Variants in MPRIP observed in about 807,000 individuals in gnomAD.
MPRIP encodes myosin phosphatase Rho-interacting protein.
Under a neutral mutation model 234.9 loss-of-function variants are expected in MPRIP, and 59 were observed. The observed-to-expected ratio is 0.25, with a 90% CI of 0.20 to 0.31. MPRIP has a LOEUF of 0.31. MPRIP is among the 10% of genes least tolerant of loss of function. MPRIP has a pLI of 1.00. For missense variants in MPRIP, 2,436 were observed against 3,071.0 expected, an observed-to-expected ratio of 0.79 and a Z score of 4.89; for synonymous variants, 1,144 against 1,263.9, an observed-to-expected ratio of 0.91 and a Z score of 2.01.
chr17:17,147,274 T>TC (rs1331317470), intron 10 of MPRIP, 45 bp from the exon 11 acceptor site: 8 of 1,578,258 alleles, frequency 5.1e-6, no homozygotes, highest in Non-Finnish European at 6.1e-6. Context: ...AGGCATGCTG[T>TC]ATAGGAGTTG....
rs144189449 is a variant in MPRIP, at chr17:17,176,589, T to C, written c.6957+77T>C. The C allele has an allele frequency of 8.1e-3, 9,234 of 1,142,490 alleles. 230 individuals are homozygous for C. Among genetic ancestry groups the C allele is most frequent in the African/African-American group, 0.071 (4,700 of 65,788 alleles). The allele number at this position is 1,142,490 out of a possible 1,614,324, so 70.8% of individuals were successfully genotyped here. On this transcript the variant is annotated intron_variant, in intron 21 of 23. Coordinates refer to ENST00000651222, the MANE Select transcript of MPRIP (RefSeq NM_001364716.4). ...CATGCGCCTCCTGAACTCAGGCTGG[T>C]GCTCAGCGCGGGCTCTTCTGAAGCA...
intron 1 of MPRIP, among the ~76,000 whole-genome samples, chr17:17,048,812 C>T (rs905865588): frequency 6.6e-6 from 1 of 152,196 alleles, no homozygotes; most frequent in African/African-American, 2.4e-5. Context: ...CCACGTGAGC[C>T]AGCATTCCCA....
intron 14 of MPRIP, among the ~76,000 whole-genome samples, chr17:17,160,907 C>T (rs2045848752): frequency 6.6e-6 from 1 of 152,178 alleles, no homozygotes; most frequent in Non-Finnish European, 1.5e-5. Context: ...ATGAACACCC[C>T]GTATGGGCCT....
chr17:17,112,070 C>T (rs886987122), intron 3 of MPRIP, among the ~76,000 whole-genome samples: 4 of 152,136 alleles, frequency 2.6e-5, no homozygotes, highest in African/African-American at 4.8e-5. Context: ...CTGTGGGCAG[C>T]GTGGTCCACC....
intron 1 of MPRIP, among the ~76,000 whole-genome samples, chr17:17,044,173 T>G (rs1352192025): frequency 2.6e-5 from 4 of 152,132 alleles, no homozygotes; most frequent in Non-Finnish European, 4.4e-5. Context: ...CCCCAAAAGC[T>G]TAACGAAACA....
chr17:17,106,763 AC>A (rs772942085), intron 3 of MPRIP, among the ~76,000 whole-genome samples: 5 of 152,334 alleles, frequency 3.3e-5, no homozygotes, highest in African/African-American at 4.8e-5. Context: ...CTGACCAACT[AC>A]ATTTTCCCAA....
intron 3 of MPRIP, among the ~76,000 whole-genome samples, chr17:17,083,621 G>A (rs1194571327): frequency 6.6e-6 from 1 of 152,186 alleles, no homozygotes; most frequent in East Asian, 1.9e-4. Flanking sequence ...TGACCGCCCA[G>A]TTCCCATTGC....
chr17:17,183,091 G>A (rs1028994327), intron 23 of MPRIP: 10 of 152,310 alleles, frequency 6.6e-5, no homozygotes, highest in Non-Finnish European at 1.3e-4. Flanking sequence ...GCTCAGAATG[G>A]GAGATGGATT....
chr17:17,109,172 A>G (rs1369206296), intron 3 of MPRIP, among the ~76,000 whole-genome samples: 1 of 152,206 alleles, frequency 6.6e-6, no homozygotes, highest in Non-Finnish European at 1.5e-5. Flanking sequence ...TTCAATCAGT[A>G]TCCGTTCTGC....
intron 1 of MPRIP, among the ~76,000 whole-genome samples, chr17:17,048,391 G>A (rs6502556): frequency 2.0e-5 from 3 of 152,112 alleles, no homozygotes; most frequent in Non-Finnish European, 2.9e-5. Flanking sequence ...CTTTGTTCCT[G>A]TAGACATTCG....
chr17:17,138,130 A>T lies in MPRIP; in HGVS notation c.951A>T (p.Pro317=). 6.8e-7 allele frequency: 1 copy of T among 1,464,884 alleles called. No individual in the cohort carries two copies. Among genetic ancestry groups the T allele is most frequent in the South Asian group, 1.3e-5 (1 of 75,354 alleles). 90.7% of individuals were successfully genotyped at this position (1,464,884 alleles called of 1,614,324 possible). A position where few individuals can be genotyped will look rare whatever the true frequency, so the allele number is the denominator to read the frequency against. The part of the protein sequence containing the change: ...SQELGGPLPS[P]GPRLPHQMVC... ...AGCTCGGTGGTCCTCTTCCTTCCCC[A>T]GGTCCTCGACTCCCCCACCAAATGG... The change falls in exon 7 of 24, where the codon CCA becomes CCT. Residue 317 remains proline, a synonymous_variant. Transcript: ENST00000651222. This position sits in a 1 kb window ranked among gnomAD's most constrained non-coding sequence, Gnocchi z 5.8.
intron 3 of MPRIP, among the ~76,000 whole-genome samples, chr17:17,119,982 G>A (rs1418388844): frequency 1.3e-5 from 2 of 152,196 alleles, no homozygotes; most frequent in Non-Finnish European, 2.9e-5. Flanking sequence ...AGGTGTGGGG[G>A]GAAGTCAGGT....
At chr17:17,098,175 G>A (rs978485210) in intron 3 of MPRIP, among the ~76,000 whole-genome samples, 3 of 152,146 alleles carry the variant, frequency 2.0e-5, no homozygotes, top group African/African-American at 4.8e-5. Context: ...CGAGGAAACC[G>A]CTGGCAGCAG....
chr17:17,072,860 A>T (rs879391166), intron 1 of MPRIP, among the ~76,000 whole-genome samples: 3 of 151,936 alleles, frequency 2.0e-5, no homozygotes, highest in Admixed American at 6.5e-5. Context: ...CTGCCCAGAG[A>T]GTCCTCTCCA....
At chr17:17,136,472 T>G in intron 6 of MPRIP, 22 bp downstream of exon 6, 2 of 1,596,666 alleles carry the variant, frequency 1.3e-6, no homozygotes, top group South Asian at 2.3e-5. Context: ...CCAGGCTGGC[T>G]TGTATGCACG....
In MPRIP at chr17:17,077,525, C is replaced by T. The variant is rs530899971; in HGVS notation, c.202-486C>T. 2.0e-4 allele frequency: 31 copies of T among 155,704 alleles called. 1 individual carries two copies. In the South Asian group the frequency reaches 4.5e-3, roughly 23 times the overall value. The allele number at this position is 155,704 out of a possible 1,614,324, so 9.6% of individuals were successfully genotyped here. A position where few individuals can be genotyped will look rare whatever the true frequency, so the allele number is the denominator to read the frequency against. On this transcript the variant is annotated intron_variant, in intron 2 of 23. Coordinates refer to ENST00000651222, the MANE Select transcript of MPRIP (RefSeq NM_001364716.4). The stretch of plus-strand genomic sequence containing the variant: ...TGGAGCCTGGCTGTTTTTGTGCCTC[C>T]TCTTTGCCAGTGGATCATCAGAACA...
Position 17,080,905 on chromosome 17 carries a change from A to G in MPRIP, c.267+2829A>G, listed in dbSNP as rs77884933. ...GCCTGTTTCTGATCTAGAGAGGTCTACGGGGTTCCCCTGCACACCAGGCAA... is the reference window on the plus strand; with the variant it reads ...GCCTGTTTCTGATCTAGAGAGGTCTGCGGGGTTCCCCTGCACACCAGGCAA... On this transcript the variant is annotated intron_variant, in intron 3 of 23. Transcript: ENST00000651222. Among the ~76,000 whole-genome samples, 1,361 of 152,250 alleles carry G rather than the reference A, an allele frequency of 8.9e-3. 25 individuals are homozygous for G. Among genetic ancestry groups the G allele is most frequent in the African/African-American group, 0.03 (1,231 of 41,542 alleles).
chr17:17,112,296 C>A (rs2090188274), intron 3 of MPRIP, among the ~76,000 whole-genome samples: 2 of 152,142 alleles, frequency 1.3e-5, no homozygotes. Context: ...GTGCCTGGGG[C>A]CACCTTTAAG....
At chr17:17,072,115 G>A (rs1294787951) in intron 1 of MPRIP, among the ~76,000 whole-genome samples, 3 of 152,216 alleles carry the variant, frequency 2.0e-5, no homozygotes, top group South Asian at 4.1e-4. Context: ...GTGGGCGTGC[G>A]TGGGAGCCTC....
Sources: gnomAD v4.1 joint callset for allele counts (sites outside exome capture counted in the v4.1 genomes callset) on GRCh38, gnomAD v4.1.1 for gene constraint, Gnocchi (gnomAD v3.1) non-coding constraint, MANE v1.5 for transcripts, NCBI Gene and HGNC (gene_info 2026-07-23, HGNC 2026-07-21) for gene names.